The following SCN4A variants were observed in gnomAD, a reference collection of about 807,000 sequenced individuals.
SCN4A encodes sodium channel protein type 4 subunit alpha.
In SCN4A, 83 loss-of-function variants were observed where a neutral mutation model predicts 162.0. That is an observed-to-expected ratio of 0.51 (90% CI 0.43 to 0.61). The LOEUF is 0.61. SCN4A is among the 20% of genes least tolerant of loss of function. The pLI, the probability that SCN4A is intolerant of heterozygous loss-of-function variation, is 0.00. For missense variants in SCN4A, 2,196 were observed against 2,462.5 expected (o/e 0.89, Z 2.29); for synonymous variants, 944 against 985.1 (o/e 0.96, Z 0.78).
intron 10 of SCN4A, among the ~76,000 whole-genome samples, chr17:63,963,134 T>C (rs1209320579): frequency 3.3e-5 from 5 of 152,218 alleles, no homozygotes; most frequent in African/African-American, 9.6e-5. Context: ...CCATCTGTCG[T>C]GTCGTGTCTA....
intron 13 of SCN4A, among the ~76,000 whole-genome samples, chr17:63,954,016 A>G (rs1908996094): frequency 6.6e-6 from 1 of 152,166 alleles, no homozygotes. Flanking sequence ...TGAGGGTCCC[A>G]GCTCCCATCA....
chr17:63,965,473 T>C (rs1182163971), intron 8 of SCN4A, among the ~76,000 whole-genome samples: 1 of 152,010 alleles, frequency 6.6e-6, no homozygotes, highest in Non-Finnish European at 1.5e-5. Context: ...AAATAAAGTA[T>C]GGGCAACATC....
intron 7 of SCN4A, 72 bp from the exon 8 acceptor site, chr17:63,966,315 G>T: frequency 6.6e-7 from 1 of 1,518,448 alleles, no homozygotes; most frequent in Non-Finnish European, 9.0e-7. Context: ...GGGACCCCAA[G>T]GGAAAAATTC....
chr17:63,953,339 G>A (rs140683009), intron 13 of SCN4A, among the ~76,000 whole-genome samples: 4,604 of 151,268 alleles, frequency 0.03, 233 homozygotes, highest in African/African-American at 0.11. Context: ...CAGCCGGGGC[G>A]ACAGAGCGAG....
intron 6 of SCN4A, 146 bp downstream of exon 6, chr17:63,967,877 G>A (rs1427203548): frequency 2.4e-5 from 17 of 701,384 alleles, no homozygotes; most frequent in Admixed American, 2.6e-5. Context: ...AGGTTGTAGT[G>A]AGCTGAGATG....
At chr17:63,957,610 T>C in intron 12 of SCN4A, 92 bp from the exon 13 acceptor site, 1 of 810,878 alleles carries the variant, frequency 1.2e-6, no homozygotes, top group Non-Finnish European at 2.0e-6. Flanking sequence ...GTCGAGTAGC[T>C]TGAATCTCCA....
chr17:63,938,834 G>A lies in SCN4A; in HGVS notation c.*1937C>T, dbSNP rs905272928. 6.5e-6 allele frequency: 1 copy of A among 152,866 alleles called. No individual in the cohort carries two copies. Among genetic ancestry groups the A allele is most frequent in the African/African-American group, 2.4e-5 (1 of 41,476 alleles). The allele number at this position is 152,866 out of a possible 1,614,324, so 9.5% of individuals were successfully genotyped here. On this transcript the variant is annotated 3_prime_UTR_variant, in exon 24 of 24. Transcript: ENST00000435607. ...GGCAGAGGGGCAATGTGCCAGGAAG[G>A]GGAGACTGCCCCCATTAGACGAAAC...
At chr17:63,943,203 CAGAGATGACAGAGAGAGAGAG>C (rs1908602564) in intron 22 of SCN4A, 107 bp from the exon 23 acceptor site, 1 of 959,202 alleles carries the variant, frequency 1.0e-6, no homozygotes, top group South Asian at 1.5e-5. Flanking sequence ...ACAGAGATGA[CAGAGATGACAGAGAGAGAGAG>C]AGAGAGAGAG....
intron 6 of SCN4A, among the ~76,000 whole-genome samples, chr17:63,967,053 G>C (rs917403216): frequency 5.9e-5 from 9 of 152,200 alleles, no homozygotes; most frequent in African/African-American, 1.9e-4. Flanking sequence ...GACCCTGCCA[G>C]GATGTGAGCA....
At chr17:63,958,791 G>T (rs1168236701) in intron 12 of SCN4A, among the ~76,000 whole-genome samples, 1 of 152,262 alleles carries the variant, frequency 6.6e-6, no homozygotes, top group Non-Finnish European at 1.5e-5. Context: ...GACCTCAGGT[G>T]ATCCACGCGC....
intron 15 of SCN4A, 119 bp from the exon 16 acceptor site, chr17:63,948,884 CA>C: frequency 1.1e-6 from 1 of 892,278 alleles, no homozygotes; most frequent in Non-Finnish European, 1.6e-6. Context: ...CTCCCAGACC[CA>C]GGGCCCCCAC....
intron 12 of SCN4A, 94 bp downstream of exon 12, chr17:63,959,171 T>G: frequency 8.5e-7 from 1 of 1,172,904 alleles, no homozygotes; most frequent in Non-Finnish European, 1.2e-6. Context: ...GCCCTCTAGC[T>G]TCCTGGGGTT....
Position 63,959,370 on chromosome 17 carries a change from G to C in SCN4A, c.1914C>G (p.Phe638Leu). Residue 638 changes from phenylalanine to leucine, a missense_variant, in exon 12 of 24, where the codon TTC becomes TTG. Physicochemically the swap from Phe to Leu is conservative, Grantham distance 22. Coordinates refer to ENST00000435607, the MANE Select transcript of SCN4A (RefSeq NM_000334.4). ...TGTCGAAGATATTCCAACCCTGCTG[G>C]AAATACTCGTAGGGGTCCATGGCAA... ...KLIAMDPYEY[F>L]QQGWNIFDSI... 1 of 1,613,984 alleles carries C rather than the reference G, an allele frequency of 6.2e-7. No individual in the cohort carries two copies. Among genetic ancestry groups the C allele is most frequent in the Non-Finnish European group, 8.5e-7 (1 of 1,179,856 alleles).
At chr17:63,966,035 T>C in intron 8 of SCN4A, 67 bp downstream of exon 8, 1 of 1,288,208 alleles carries the variant, frequency 7.8e-7, no homozygotes, top group South Asian at 1.3e-5. Context: ...CATCAGGCCC[T>C]GAAGAGGCTG....
chr17:63,953,440 A>G (rs965356569), intron 13 of SCN4A, among the ~76,000 whole-genome samples: 5 of 152,108 alleles, frequency 3.3e-5, no homozygotes, highest in African/African-American at 1.2e-4. Flanking sequence ...CACTCAACGC[A>G]TGTTGGCTGT....
At position 63,951,426 on chromosome 17, in the gene SCN4A, T is replaced by G. The variant is rs1020499295; in HGVS notation, c.2851A>C (p.Lys951Gln). Reference protein sequence around the residue: ...TDTFSEPEDSKKPPQPLYDGN... With the variant: ...TDTFSEPEDSQKPPQPLYDGN... ...TCTGAGCCCCAGCCCCGGCTCACCT[T>G]GCTATCCTCAGGCTCTGAGAAAGTG... Residue 951 changes from lysine to glutamine, a missense_variant and splice_region_variant, in exon 14 of 24, where the codon AAG becomes CAG. By Grantham distance (53) the Lys-to-Gln change is moderately conservative (BLOSUM62 1). Coordinates refer to ENST00000435607, the MANE Select transcript of SCN4A (RefSeq NM_000334.4). This position sits in a 1 kb window ranked among gnomAD's most constrained non-coding sequence, Gnocchi z 4.5. 40 of 1,590,936 alleles carry G rather than the reference T, an allele frequency of 2.5e-5. No individual in the cohort carries two copies. Among genetic ancestry groups the G allele is most frequent in the Non-Finnish European group, 3.4e-5 (39 of 1,163,990 alleles).
intron 15 of SCN4A, 134 bp downstream of exon 15, chr17:63,949,259 A>G (rs1908827509): frequency 1.1e-6 from 1 of 927,606 alleles, no homozygotes. Context: ...CACTGCCACC[A>G]CCCCTAGACA....
chr17:63,962,817 G>A (rs1202372235), intron 10 of SCN4A, among the ~76,000 whole-genome samples: 1 of 152,116 alleles, frequency 6.6e-6, no homozygotes, highest in Non-Finnish European at 1.5e-5. Flanking sequence ...GGAACGGCAG[G>A]GTGGAGAGGC....
Position 63,943,807 on chromosome 17 carries a change from T to A in SCN4A, c.3956A>T (p.Tyr1319Phe), listed in dbSNP as rs1908624576. 13 of 1,613,542 alleles carry A rather than the reference T, an allele frequency of 8.1e-6. No individual in the cohort carries two copies. The highest frequency in any genetic ancestry group is 1.0e-5 in the Non-Finnish European group (12 of 1,179,502). ...GCCAAGCTTCTTCATGGCGTTATAG[T>A]ATTTCTTCTGTTCCTCCGTCATAAA... ...DIFMTEEQKK[Y>F]YNAMKKLGSK... The change falls in exon 22 of 24, where the codon TAC (tyrosine) becomes TTC (phenylalanine). Residue 1319 changes from tyrosine (Y) to phenylalanine (F), a missense_variant. Coordinates refer to ENST00000435607, the MANE Select transcript of SCN4A (RefSeq NM_000334.4).
Sources: gnomAD v4.1 joint callset for allele counts (sites outside exome capture counted in the v4.1 genomes callset) on GRCh38, gnomAD v4.1.1 for gene constraint, Gnocchi (gnomAD v3.1) non-coding constraint, MANE v1.5 for transcripts, NCBI Gene and HGNC (gene_info 2026-07-23, HGNC 2026-07-21) for gene names.